VDAC2: variants seen among roughly 807,000 people sequenced by gnomAD.
VDAC2 encodes the protein non-selective voltage-gated ion channel VDAC2.
A neutral mutation model predicts 36.6 loss-of-function variants in VDAC2; 6 were observed. The observed-to-expected ratio is 0.16, with a 90% CI of 0.09 to 0.32. VDAC2 has a LOEUF of 0.32. Among genes scored for constraint, VDAC2 ranks in the 10% least tolerant of loss-of-function variants. The probability of loss-of-function intolerance (pLI) is 1.00; values close to 1 mark genes in which losing one functional copy is unlikely to be tolerated. For missense variants in VDAC2, 247 were observed against 346.0 expected (o/e 0.71, Z 2.27); for synonymous variants, 109 against 123.8 (o/e 0.88, Z 0.79).
chr10:75,229,729 TTTTGA>T (rs1842053068), intron 9 of VDAC2, 28 bp downstream of exon 9: 3 of 1,548,056 alleles, frequency 1.9e-6, no homozygotes, highest in Non-Finnish European at 2.6e-6. Flanking sequence ...AGTAGGATTG[TTTTGA>T]TAGTATTAAA....
chr10:75,211,335 C>T (rs1841413115), intron 2 of VDAC2, 146 bp downstream of exon 2: 9 of 1,403,682 alleles, frequency 6.4e-6, no homozygotes, highest in African/African-American at 1.5e-5. Flanking sequence ...ACCACCTCCT[C>T]TGCGGAGGAG....
chr10:75,213,103 G>T (rs571279342), intron 3 of VDAC2, among the ~76,000 whole-genome samples: 6 of 151,976 alleles, frequency 3.9e-5, no homozygotes, highest in Non-Finnish European at 8.8e-5. Context: ...TTTTGAGACG[G>T]AATCTCGCTC....
rs1309791908 is a variant in VDAC2 at position 75,229,556 on chromosome 10, A to G, written c.736-88A>G. The G allele has an allele frequency of 3.9e-6, 4 of 1,022,514 alleles. No individual in the cohort carries two copies. In the South Asian group the frequency reaches 6.1e-5, roughly 16 times the overall value. 63.3% of individuals were successfully genotyped at this position (1,022,514 alleles called of 1,614,324 possible). The stretch of plus-strand genomic sequence containing the variant: ...TTGTCTCACGTGAATAAAACTGAAC[A>G]CTTCATGATTACATGATGGGGAAAC... On this transcript the variant is annotated intron_variant, in intron 8 of 9. Transcript: ENST00000332211.
chr10:75,211,060 C>G, intron 1 of VDAC2, 74 bp from the exon 2 acceptor site: 1 of 1,410,276 alleles, frequency 7.1e-7, no homozygotes, highest in East Asian at 2.7e-5. Flanking sequence ...CCCGCGGCCC[C>G]TCGCCCCTCT....
In VDAC2 at chr10:75,222,344, A is replaced by G. The variant is rs377588798; in HGVS notation, c.677A>G (p.Asn226Ser). ...SVNLAWTSGTNCTRFGIAAKY... is the reference protein window; with the variant it reads ...SVNLAWTSGTSCTRFGIAAKY... The stretch of plus-strand genomic sequence containing the variant: ...AACCTTGCTTGGACATCAGGTACCA[A>G]CTGCACTCGTTTTGGCATTGCAGCT... The change falls in exon 8 of 10, where the codon AAC becomes AGC. Residue 226 changes from asparagine (N) to serine (S), a missense_variant. Transcript: ENST00000332211. 2 of 1,614,156 alleles carry G rather than the reference A, an allele frequency of 1.2e-6. No individual in the cohort carries two copies. Among genetic ancestry groups the G allele is most frequent in the Admixed American group, 1.7e-5 (1 of 60,012 alleles).
chr10:75,211,186 C>T lies in VDAC2; in HGVS notation c.28C>T (p.Arg10Cys), dbSNP rs1405544782. The T allele has an allele frequency of 1.9e-6, 3 of 1,613,282 alleles. No homozygotes were observed. In the East Asian group the frequency reaches 6.7e-5, roughly 36 times the overall value. The change falls in exon 2 of 10, where the codon CGT becomes TGT. Residue 10 changes from arginine (R) to cysteine (C), a missense_variant. Around this residue, in one of 3 missense-constraint regions of VDAC2, gnomAD observed 76 missense variants for 76.9 expected, o/e 0.99. Transcript: ENST00000332211. MATHGQTCA[R>C]PMCIPPSYAD... ...GGCGACCCACGGACAGACTTGCGCGCGTCGTAAGTAAAGCTGGGATCTCTG... is the reference window on the plus strand; with the variant it reads ...GGCGACCCACGGACAGACTTGCGCGTGTCGTAAGTAAAGCTGGGATCTCTG...
Position 75,230,904 on chromosome 10 carries a change from A to C in VDAC2, c.800A>C (p.Lys267Thr), listed in dbSNP as rs1018635086. 1 of 1,613,384 alleles carries C rather than the reference A, an allele frequency of 6.2e-7. No homozygotes were observed. The highest frequency in any genetic ancestry group is 1.1e-5 in the South Asian group (1 of 90,944). ...TGTTTTTTTGTCTTAATAGGTGTGA[A>C]GCTTACACTCTCTGCTCTGGTAGAT... ...GYTQTLRPGV[K>T]LTLSALVDGK... is the part of the protein sequence containing the mutation. The change falls in exon 10 of 10, where the codon AAG (lysine) becomes ACG (threonine). Residue 267 changes from lysine to threonine, a missense_variant. By Grantham distance (78) the Lys-to-Thr change is moderately conservative (BLOSUM62 -1). This residue lies in a region of VDAC2 where 159 missense variants were observed against 234.0 expected (regional missense o/e 0.68). Transcript: ENST00000332211.
intron 4 of VDAC2, among the ~76,000 whole-genome samples, chr10:75,217,081 C>T (rs1024687715): frequency 1.1e-4 from 16 of 152,060 alleles, no homozygotes; most frequent in African/African-American, 3.6e-4. Flanking sequence ...CATAGTGAGA[C>T]CCCGTCTCTA....
rs1450294007 is a variant in VDAC2 at position 75,231,109 on chromosome 10, A to G, written c.*120A>G. On this transcript the variant is annotated 3_prime_UTR_variant, in exon 10 of 10. Coordinates refer to ENST00000332211, the MANE Select transcript of VDAC2 (RefSeq NM_001391963.1). Reference sequence around the variant, plus strand: ...GATGATCAAAACAAAGGATGATCTCAACAAGAGCTGTATTTTAAGTATTTA... The same window carrying G: ...GATGATCAAAACAAAGGATGATCTCGACAAGAGCTGTATTTTAAGTATTTA... 2.8e-6 allele frequency: 2 copies of G among 718,914 alleles called. No homozygotes were observed. Among genetic ancestry groups the G allele is most frequent in the Non-Finnish European group, 4.6e-6 (2 of 433,770 alleles). The allele number at this position is 718,914 out of a possible 1,614,324, so 44.5% of individuals were successfully genotyped here.
chr10:75,215,887 A>T (rs1333031736), intron 4 of VDAC2, among the ~76,000 whole-genome samples: 2 of 151,314 alleles, frequency 1.3e-5, no homozygotes, highest in Non-Finnish European at 2.9e-5. Flanking sequence ...ATGCCCCGCT[A>T]ATTTTTGTAT....
At chr10:75,222,660 A>C (rs982449882) in intron 8 of VDAC2, among the ~76,000 whole-genome samples, 1 of 152,144 alleles carries the variant, frequency 6.6e-6, no homozygotes, top group Non-Finnish European at 1.5e-5. Flanking sequence ...AGGCCTGTCT[A>C]AGTCCAGGTA....
intron 7 of VDAC2, 42 bp downstream of exon 7, chr10:75,221,012 G>C (rs779944806): frequency 6.4e-7 from 1 of 1,569,828 alleles, no homozygotes; most frequent in East Asian, 2.3e-5. Context: ...TGGGCCCTCA[G>C]AGGATGATTT....
intron 8 of VDAC2, among the ~76,000 whole-genome samples, chr10:75,226,531 A>G (rs1224463624): frequency 1.4e-5 from 2 of 140,450 alleles, no homozygotes; most frequent in African/African-American, 2.7e-5. Context: ...ATCTCTGCTC[A>G]CTGCAACCTC....
chr10:75,220,812 T>C lies in VDAC2; in HGVS notation c.426T>C (p.Phe142=). 6.2e-7 allele frequency: 1 copy of C among 1,613,548 alleles called. No individual in the cohort carries two copies. Among genetic ancestry groups the C allele is most frequent in the Non-Finnish European group, 8.5e-7 (1 of 1,179,596 alleles). The change falls in exon 7 of 10, where the codon TTT becomes TTC. Residue 142 remains phenylalanine (F), a synonymous_variant. Transcript: ENST00000332211. ...ECINLGCDVD[F]DFAGPAIHGS... Reference sequence around the variant, plus strand: ...TAAACCTTGGTTGTGATGTTGACTTTGATTTTGCTGGACCTGCAATCCATG... The same window carrying C: ...TAAACCTTGGTTGTGATGTTGACTTCGATTTTGCTGGACCTGCAATCCATG...
intron 8 of VDAC2, 76 bp from the exon 9 acceptor site, chr10:75,229,568 C>T (rs1437207291): frequency 1.0e-5 from 12 of 1,173,978 alleles, no homozygotes; most frequent in African/African-American, 1.6e-5. Flanking sequence ...TTCATGATTA[C>T]ATGATGGGGA....
At chr10:75,218,771 AAAG>A (rs2132263978) in intron 4 of VDAC2, among the ~76,000 whole-genome samples, 1 of 152,196 alleles carries the variant, frequency 6.6e-6, no homozygotes, top group East Asian at 1.9e-4. Context: ...AAAAAAAAAA[AAAG>A]GTGTACAGTT....
intron 2 of VDAC2, 195 bp downstream of exon 2, chr10:75,211,384 G>C (rs1564707891): frequency 1.4e-6 from 2 of 1,404,422 alleles, no homozygotes; most frequent in Non-Finnish European, 1.9e-6. Flanking sequence ...AACAAGGCCC[G>C]GGGAGTTGGT....
At chr10:75,211,432 T>C in intron 2 of VDAC2, 1 of 1,476,632 alleles carries the variant, frequency 6.8e-7, no homozygotes, top group Non-Finnish European at 9.0e-7. Context: ...TGTACATGTC[T>C]TTGACGTATA....
At chr10:75,220,393 G>A (rs1438513980) in intron 6 of VDAC2, among the ~76,000 whole-genome samples, 1 of 152,220 alleles carries the variant, frequency 6.6e-6, no homozygotes, top group East Asian at 1.9e-4. Context: ...ACAGGCGGGA[G>A]CCACCATGCC....
Sources: gnomAD v4.1 joint callset for allele counts (sites outside exome capture counted in the v4.1 genomes callset) on GRCh38, gnomAD v4.1.1 for gene constraint, gnomAD v4.1.1 regional missense constraint, MANE v1.5 for transcripts, NCBI Gene and HGNC (gene_info 2026-07-23, HGNC 2026-07-21) for gene names.